Variants in SLC44A5 observed in about 807,000 individuals in gnomAD.
The protein encoded by SLC44A5 is choline transporter-like protein 5.
Under a neutral mutation model 101.8 loss-of-function variants are expected in SLC44A5, and 57 were observed. The ratio of observed to expected loss-of-function variants is 0.56; its 90% CI spans 0.45 to 0.70. The LOEUF is 0.70. Among genes scored for constraint, SLC44A5 ranks in the 30% least tolerant of loss-of-function variants. The pLI, the probability that SLC44A5 is intolerant of heterozygous loss-of-function variation, is 0.00. For synonymous variants in SLC44A5, 281 were observed against 290.9 expected (o/e 0.97, Z 0.35); for missense variants, 737 against 853.1 (o/e 0.86, Z 1.70).
At chr1:75,443,066 C>T (rs188952534) in intron 2 of SLC44A5, among the ~76,000 whole-genome samples, 2 of 152,166 alleles carry the variant, frequency 1.3e-5, no homozygotes, top group African/African-American at 4.8e-5. Flanking sequence ...GCTGTGAAAG[C>T]AATACTTTGA....
chr1:75,696,581 T>C, the SLC44A5 span, among the ~76,000 whole-genome samples: 2 of 152,136 alleles, frequency 1.3e-5, no homozygotes, highest in African/African-American at 2.4e-5. Context: ...GTGGGAAATA[T>C]GTCGACTCTC....
At chr1:75,335,228 G>A (rs1031060684) in intron 4 of SLC44A5, among the ~76,000 whole-genome samples, 1 of 152,192 alleles carries the variant, frequency 6.6e-6, no homozygotes, top group Non-Finnish European at 1.5e-5. Context: ...TTTCTGCAGG[G>A]TCTGAATATT....
intron 1 of SLC44A5, among the ~76,000 whole-genome samples, chr1:75,561,962 G>A (rs1268881900): frequency 6.6e-6 from 1 of 151,966 alleles, no homozygotes; most frequent in Non-Finnish European, 1.5e-5. Context: ...TGGGAGGGAG[G>A]GAGGAGGTAA....
chr1:75,371,939 G>A (rs887439688), intron 3 of SLC44A5, among the ~76,000 whole-genome samples: 9 of 152,300 alleles, frequency 5.9e-5, no homozygotes, highest in South Asian at 4.1e-4. Flanking sequence ...GCTCAAGCCC[G>A]TAATCCCAGC....
At chr1:75,691,067 C>G in the SLC44A5 span, among the ~76,000 whole-genome samples, 1 of 152,040 alleles carries the variant, frequency 6.6e-6, no homozygotes, top group African/African-American at 2.4e-5. Flanking sequence ...CACATGCACC[C>G]CCCCCTTTCT....
At chr1:75,254,506 T>C (rs978183654) in intron 6 of SLC44A5, among the ~76,000 whole-genome samples, 3 of 152,142 alleles carry the variant, frequency 2.0e-5, no homozygotes, top group Admixed American at 2.0e-4. Flanking sequence ...ATCAGGCACT[T>C]AAGCCTATCT....
chr1:75,371,608 CCA>C (rs1186945647), intron 3 of SLC44A5, among the ~76,000 whole-genome samples: 3 of 151,938 alleles, frequency 2.0e-5, no homozygotes, highest in Non-Finnish European at 2.9e-5. Flanking sequence ...CAGATCCATC[CCA>C]GAGTAGCCAC....
At chr1:75,553,874 C>T (rs145060813) in intron 1 of SLC44A5, among the ~76,000 whole-genome samples, 25 of 150,542 alleles carry the variant, frequency 1.7e-4, no homozygotes, top group African/African-American at 5.6e-4. Context: ...GTAAGGAATC[C>T]TTGTGGAGCA....
At chr1:75,273,764 T>A (rs1436471992) in intron 6 of SLC44A5, among the ~76,000 whole-genome samples, 1 of 152,138 alleles carries the variant, frequency 6.6e-6, no homozygotes, top group Admixed American at 6.6e-5. Context: ...TGATGTCCTG[T>A]TGGATTCAGT....
At chr1:75,471,140 C>CT (rs1013659456) in intron 2 of SLC44A5, among the ~76,000 whole-genome samples, 15 of 151,762 alleles carry the variant, frequency 9.9e-5, no homozygotes, top group African/African-American at 3.1e-4. Context: ...ATTTTTTAAC[C>CT]TTTTTTTTAC....
intron 2 of SLC44A5, among the ~76,000 whole-genome samples, chr1:75,443,845 A>G (rs1228011176): frequency 6.6e-6 from 1 of 152,082 alleles, no homozygotes; most frequent in Admixed American, 6.6e-5. Context: ...ATCTAACAAT[A>G]TAAGAAAAAC....
chr1:75,667,298 G>C, the SLC44A5 span, among the ~76,000 whole-genome samples: 1 of 152,090 alleles, frequency 6.6e-6, no homozygotes, highest in African/African-American at 2.4e-5. Context: ...CAAACAGAGA[G>C]CCAAATCATG....
rs199992682 is a variant in SLC44A5 at position 75,380,646 on chromosome 1, G to A, written c.52+15937C>T. On this transcript the variant is annotated intron_variant, in intron 3 of 23. Transcript: ENST00000370859. The stretch of plus-strand genomic sequence containing the variant: ...CATGGGAAATAGGTAAGGTGATAAC[G>A]TGGGGGAGAGGTTTTGCTTGTGTTT... Among the ~76,000 whole-genome samples the A allele has an allele frequency of 2.2e-4, 18 of 82,554 alleles. 5 individuals are homozygous for A. Among genetic ancestry groups the A allele is most frequent in the Non-Finnish European group, 2.3e-4 (11 of 47,898 alleles). 54.2% of individuals were successfully genotyped at this position (82,554 alleles called of 152,430 possible). A position where few individuals can be genotyped will look rare whatever the true frequency, so the allele number is the denominator to read the frequency against.
intron 1 of SLC44A5, among the ~76,000 whole-genome samples, chr1:75,552,027 T>C (rs1671963855): frequency 2.0e-5 from 3 of 152,138 alleles, no homozygotes; most frequent in African/African-American, 7.2e-5. Flanking sequence ...CCTTTTGCAA[T>C]TGGCTGTCTC....
At chr1:75,360,971 T>C (rs1659448157) in intron 3 of SLC44A5, among the ~76,000 whole-genome samples, 1 of 152,214 alleles carries the variant, frequency 6.6e-6, no homozygotes, top group Non-Finnish European at 1.5e-5. Context: ...ATTTGTGTTT[T>C]CTTTAATTTT....
At chr1:75,469,480 T>C (rs546341468) in intron 2 of SLC44A5, among the ~76,000 whole-genome samples, 45 of 152,152 alleles carry the variant, frequency 3.0e-4, no homozygotes, top group African/African-American at 1.1e-3. Flanking sequence ...AAAAGTGTAG[T>C]GAATTTCTTC....
At chr1:75,480,794 G>GA (rs372163925) in intron 2 of SLC44A5, among the ~76,000 whole-genome samples, 16 of 152,290 alleles carry the variant, frequency 1.1e-4, no homozygotes, top group African/African-American at 3.9e-4. Flanking sequence ...CTCATTGGTA[G>GA]AAAGAATCAA....
At chr1:75,706,553 G>C in the SLC44A5 span, among the ~76,000 whole-genome samples, 2,372 of 152,076 alleles carry the variant, frequency 0.016, 29 homozygotes, top group Middle Eastern at 0.024. Flanking sequence ...TTGTAAATTT[G>C]TCATTTTTTC....
At chr1:75,698,446 T>A in the SLC44A5 span, among the ~76,000 whole-genome samples, 3 of 152,148 alleles carry the variant, frequency 2.0e-5, no homozygotes, top group Admixed American at 2.0e-4. Flanking sequence ...GAGGGTCCTG[T>A]CTGTTAGAAG....
Sources: gnomAD v4.1 joint callset for allele counts (sites outside exome capture counted in the v4.1 genomes callset) on GRCh38, gnomAD v4.1.1 for gene constraint, MANE v1.5 for transcripts, NCBI Gene and HGNC (gene_info 2026-07-23, HGNC 2026-07-21) for gene names.